The following TBX2 variants were observed in gnomAD, a reference collection of about 807,000 sequenced individuals.
The protein encoded by TBX2 is T-box transcription factor 2.
A neutral mutation model predicts 48.4 loss-of-function variants in TBX2; 19 were observed. The observed-to-expected ratio is 0.39, with a 90% confidence interval of 0.27 to 0.58. The LOEUF (loss-of-function observed/expected upper bound fraction) is 0.58, where lower values mean the gene tolerates loss of function less well. Among genes scored for constraint, TBX2 ranks in the 20% least tolerant of loss-of-function variants. TBX2 has a pLI of 0.54. For missense variants in TBX2, 994 were observed against 1,006.5 expected (o/e 0.99, Z 0.17); for synonymous variants, 522 against 459.7 (o/e 1.14, Z -1.73).
rs528908794 is a variant in TBX2 at position 61,408,887 on chromosome 17, T to C, written c.*381T>C. 1.1e-5 allele frequency: 2 copies of C among 188,312 alleles called. No homozygotes were observed. The highest frequency in any genetic ancestry group is 3.8e-4 in the South Asian group (2 of 5,260). The allele number at this position is 188,312 out of a possible 1,614,324, so 11.7% of individuals were successfully genotyped here. On this transcript the variant is annotated 3_prime_UTR_variant, in exon 7 of 7. Coordinates refer to ENST00000240328, the MANE Select transcript of TBX2 (RefSeq NM_005994.4). ...AGCATCGGAGGGAGTCCCAGAGCCCTGGACCTTGGGCCTAGACCGCGTGAT... is the reference window on the plus strand; with the variant it reads ...AGCATCGGAGGGAGTCCCAGAGCCCCGGACCTTGGGCCTAGACCGCGTGAT...
rs2060295932 is a variant in TBX2 at position 61,408,096 on chromosome 17, T to C, written c.1729T>C (p.Tyr577His). Residue 577 changes from tyrosine to histidine, a missense_variant, in exon 7 of 7, where the codon TAC (tyrosine) becomes CAC (histidine). Physicochemically the swap from Tyr to His is moderately conservative, Grantham distance 83 (BLOSUM62 2). Transcript: ENST00000240328. ...TTTCGGAGGCCTCTTCCCCTACCCC[T>C]ACACCTACATGGCAGCAGCAGCCGC... The part of the protein sequence containing the change: ...PTFGGLFPYP[Y>H]TYMAAAAAAA... 6.2e-7 allele frequency: 1 copy of C among 1,609,862 alleles called. No homozygotes were observed. Among genetic ancestry groups the C allele is most frequent in the Non-Finnish European group, 8.5e-7 (1 of 1,178,406 alleles).
Position 61,403,298 on chromosome 17 carries a change from C to A in TBX2, c.810+91C>A. 6.5e-7 allele frequency: 1 copy of A among 1,543,548 alleles called. No homozygotes were observed. Among genetic ancestry groups the A allele is most frequent in the Non-Finnish European group, 8.7e-7 (1 of 1,153,012 alleles). ...GTCCGTTCATCGCCCCTCGAAGCCC[C>A]CTGCACGGGATCCGCGCTCTTGCGG... On this transcript the variant is annotated intron_variant, in intron 3 of 6. Transcript: ENST00000240328. The surrounding 1 kb of genome is among the most constrained non-coding windows in gnomAD (Gnocchi z 5.8).
chr17:61,405,892 C>T (rs1603241716), intron 6 of TBX2, 56 bp downstream of exon 6: 15 of 1,262,904 alleles, frequency 1.2e-5, no homozygotes, highest in Non-Finnish European at 1.4e-5. Flanking sequence ...AGGGAGCTGG[C>T]GGCGAGGCCA....
Position 61,400,482 on chromosome 17 carries a change from G to A in TBX2, c.306G>A (p.Glu102=), listed in dbSNP as rs1303802329. Residue 102 remains glutamate (E), a synonymous_variant, in exon 1 of 7, where the codon GAG becomes GAA. Transcript: ENST00000240328. This position sits in a 1 kb window ranked among gnomAD's most constrained non-coding sequence, Gnocchi z 9.2. ...LKSLEPEDEV[E]DDPKVTLEAK... is the part of the protein sequence containing the mutation. ...GCCTGGAGCCCGAGGACGAGGTGGAGGACGACCCCAAGGTGACGCTGGAGG... is the reference window on the plus strand; with the variant it reads ...GCCTGGAGCCCGAGGACGAGGTGGAAGACGACCCCAAGGTGACGCTGGAGG... 1.2e-6 allele frequency: 2 copies of A among 1,602,070 alleles called. No individual in the cohort carries two copies. The highest frequency in any genetic ancestry group is 1.7e-6 in the Non-Finnish European group (2 of 1,175,482).
At position 61,404,760 on chromosome 17, in the gene TBX2, C is replaced by G. The variant is rs934306736; in HGVS notation, c.1042C>G (p.Arg348Gly). The G allele has an allele frequency of 1.3e-6, 2 of 1,547,054 alleles. No individual in the cohort carries two copies. The highest frequency in any genetic ancestry group is 2.7e-5 in the African/African-American group (2 of 73,218). Residue 348 changes from arginine (R) to glycine (G), a missense_variant, in exon 5 of 7, where the codon CGG becomes GGG. Arg to Gly is a moderately radical substitution (Grantham distance 125). Around this residue, in one of 5 missense-constraint regions of TBX2, gnomAD observed 639 missense variants for 613.2 expected, o/e 1.04. Transcript: ENST00000240328. ...AGCGCCCAGTCCGCTGCGCCTGCAC[C>G]GGGCCCGAGGTGAGGGTCGGACCGG... Reference protein sequence around the residue: ...GAAPSPLRLHRARAEEKSCAA... With the variant: ...GAAPSPLRLHGARAEEKSCAA...
At chr17:61,408,003 G>C in intron 6 of TBX2, 51 bp from the exon 7 acceptor site, 1 of 1,512,708 alleles carries the variant, frequency 6.6e-7, no homozygotes, top group East Asian at 2.3e-5. Context: ...CCCAACTTCA[G>C]AAAGACTTCA....
rs1333771240 is a variant in TBX2, at chr17:61,405,422, G to A, written c.1272G>A (p.Lys424=). 3 of 1,552,598 alleles carry A rather than the reference G, an allele frequency of 1.9e-6. No individual in the cohort carries two copies. The South Asian group carries it at 3.5e-5, about 18-fold the overall frequency. Residue 424 remains lysine, a synonymous_variant, in exon 6 of 7, where the codon AAG becomes AAA. Transcript: ENST00000240328. ...DGPFGLRSLE[K]ERAEARRKDE... The stretch of plus-strand genomic sequence containing the variant: ...CGTTCGGCCTGAGGAGCCTGGAGAA[G>A]GAGCGCGCCGAAGCTCGGAGGAAGG...
chr17:61,405,760 T>G lies in TBX2; in HGVS notation c.1610T>G (p.Leu537Arg). The G allele has an allele frequency of 7.5e-7, 1 of 1,337,716 alleles. No homozygotes were observed. Among genetic ancestry groups the G allele is most frequent in the Non-Finnish European group, 9.5e-7 (1 of 1,050,252 alleles). The allele number at this position is 1,337,716 out of a possible 1,614,324, so 82.9% of individuals were successfully genotyped here. A position where few individuals can be genotyped will look rare whatever the true frequency, so the allele number is the denominator to read the frequency against. Residue 537 changes from leucine to arginine, a missense_variant, in exon 6 of 7, where the codon CTG becomes CGG. By Grantham distance (102) the Leu-to-Arg change is moderately radical (BLOSUM62 -2). Coordinates refer to ENST00000240328, the MANE Select transcript of TBX2 (RefSeq NM_005994.4). ...GCCGCGGGGCTGGACGCAGGCGGGCTGGGTCCCGCGGCCAGCGCAGCAAGC... is the reference window on the plus strand; with the variant it reads ...GCCGCGGGGCTGGACGCAGGCGGGCGGGGTCCCGCGGCCAGCGCAGCAAGC... ...GTAAGLDAGG[L>R]GPAASAASTA...
chr17:61,408,098 C>T lies in TBX2; in HGVS notation c.1731C>T (p.Tyr577=), dbSNP rs963218600. The change falls in exon 7 of 7, where the codon TAC becomes TAT. Residue 577 remains tyrosine, a synonymous_variant. Transcript: ENST00000240328. ...TCGGAGGCCTCTTCCCCTACCCCTA[C>T]ACCTACATGGCAGCAGCAGCCGCAG... is the stretch of plus-strand genomic sequence containing the variant. The part of the protein sequence containing the change: ...PTFGGLFPYP[Y]TYMAAAAAAA... 3.1e-6 allele frequency: 5 copies of T among 1,610,000 alleles called. No homozygotes were observed. Among genetic ancestry groups the T allele is most frequent in the South Asian group, 1.1e-5 (1 of 90,572 alleles).
Position 61,404,768 on chromosome 17 carries a change from A to T in TBX2, c.1050A>T (p.Arg350=). Residue 350 remains arginine (R), a splice_region_variant and synonymous_variant, in exon 5 of 7, where the codon CGA becomes CGT. Transcript: ENST00000240328. ...GTCCGCTGCGCCTGCACCGGGCCCG[A>T]GGTGAGGGTCGGACCGGAGGAGGGA... ...APSPLRLHRA[R]AEEKSCAADS... is the part of the protein sequence containing the mutation. 1 of 1,545,278 alleles carries T rather than the reference A, an allele frequency of 6.5e-7. No homozygotes were observed. Among genetic ancestry groups the T allele is most frequent in the Non-Finnish European group, 8.7e-7 (1 of 1,149,000 alleles).
rs374734063 is a variant in TBX2 at position 61,400,711 on chromosome 17, C to G, written c.395+140C>G. On this transcript the variant is annotated intron_variant, in intron 1 of 6. Coordinates refer to ENST00000240328, the MANE Select transcript of TBX2 (RefSeq NM_005994.4). This position sits in a 1 kb window ranked among gnomAD's most constrained non-coding sequence, Gnocchi z 9.2. ...TCTGGCCCTGACGCCACGCTTCGCT[C>G]CCACGGACAACCAAGTTGACTTTTC... The G allele has an allele frequency of 5.7e-6, 5 of 880,810 alleles. No individual in the cohort carries two copies. The highest frequency in any genetic ancestry group is 3.0e-5 in the East Asian group (1 of 33,516). The allele number at this position is 880,810 out of a possible 1,614,324, so 54.6% of individuals were successfully genotyped here.
rs865851098 is a variant in TBX2 at position 61,408,557 on chromosome 17, C to T, written c.*51C>T. 1.4e-4 allele frequency: 193 copies of T among 1,411,688 alleles called. No individual in the cohort carries two copies. In the Middle Eastern group the frequency reaches 2.1e-3, roughly 15 times the overall value. 87.4% of individuals were successfully genotyped at this position (1,411,688 alleles called of 1,614,324 possible). ...ACGCAGGCCACCCGGGCTGCCTGCC[C>T]CTGCTGCTTGGGACGTGTACAGCAC... On this transcript the variant is annotated 3_prime_UTR_variant, in exon 7 of 7. Coordinates refer to ENST00000240328, the MANE Select transcript of TBX2 (RefSeq NM_005994.4).
intron 2 of TBX2, among the ~76,000 whole-genome samples, 156 bp downstream of exon 2, chr17:61,402,107 C>G (rs1462958135): frequency 6.6e-6 from 1 of 152,162 alleles, no homozygotes; most frequent in Non-Finnish European, 1.5e-5. Context: ...TCTACGTGGG[C>G]TGGGCCTGGG....
chr17:61,400,161 T>G lies in TBX2; in HGVS notation c.-16T>G, dbSNP rs1185263805. On this transcript the variant is annotated 5_prime_UTR_variant, in exon 1 of 7. Coordinates refer to ENST00000240328, the MANE Select transcript of TBX2 (RefSeq NM_005994.4). This position sits in a 1 kb window ranked among gnomAD's most constrained non-coding sequence, Gnocchi z 9.2. The stretch of plus-strand genomic sequence containing the variant: ...GCCCCGGCCCCGGCCCCCGGGCGCC[T>G]GGGCCGGATGTCCCGATGAGAGAGC... 4.8e-6 allele frequency: 5 copies of G among 1,031,732 alleles called. No homozygotes were observed. The highest frequency in any genetic ancestry group is 5.8e-6 in the Non-Finnish European group (5 of 856,568). The allele number at this position is 1,031,732 out of a possible 1,614,324, so 63.9% of individuals were successfully genotyped here.
rs2060260718 is a variant in TBX2, at chr17:61,400,721, A to T, written c.395+150A>T. On this transcript the variant is annotated intron_variant, in intron 1 of 6. Coordinates refer to ENST00000240328, the MANE Select transcript of TBX2 (RefSeq NM_005994.4). This position sits in a 1 kb window ranked among gnomAD's most constrained non-coding sequence, Gnocchi z 9.2. ...ACGCCACGCTTCGCTCCCACGGACA[A>T]CCAAGTTGACTTTTCTCGTTTGGCA... 4 of 822,602 alleles carry T rather than the reference A, an allele frequency of 4.9e-6. No individual in the cohort carries two copies. The highest frequency in any genetic ancestry group is 5.5e-6 in the Non-Finnish European group (3 of 547,214). The allele number at this position is 822,602 out of a possible 1,614,324, so 51.0% of individuals were successfully genotyped here.
chr17:61,405,604 C>T lies in TBX2; in HGVS notation c.1454C>T (p.Ala485Val). 1 of 1,593,060 alleles carries T rather than the reference C, an allele frequency of 6.3e-7. No individual in the cohort carries two copies. Among genetic ancestry groups the T allele is most frequent in the Non-Finnish European group, 8.5e-7 (1 of 1,174,240 alleles). ...HGQQFFGPLG[A>V]GQPLFLHPGQ... ...CAGCAGTTCTTTGGGCCGCTGGGAG[C>T]CGGCCAGCCGCTCTTCCTGCACCCT... The change falls in exon 6 of 7, where the codon GCC becomes GTC. Residue 485 changes from alanine (A) to valine (V), a missense_variant. Coordinates refer to ENST00000240328, the MANE Select transcript of TBX2 (RefSeq NM_005994.4).
chr17:61,401,657 G>A, intron 1 of TBX2, 27 bp from the exon 2 acceptor site: 1 of 1,598,442 alleles, frequency 6.3e-7, no homozygotes. Context: ...GGTTCCAATG[G>A]GATCTCCTCC....
Position 61,405,215 on chromosome 17 carries a change from G to A in TBX2, c.1065G>A (p.Ser355=), listed in dbSNP as rs2060283050. Residue 355 remains serine, a synonymous_variant, in exon 6 of 7, where the codon TCG becomes TCA. Coordinates refer to ENST00000240328, the MANE Select transcript of TBX2 (RefSeq NM_005994.4). ...RLHRARAEEK[S]CAADSDPEPE... ...CTCTCCCCGCAGCTGAGGAGAAGTC[G>A]TGCGCCGCGGACAGCGACCCGGAGC... 1.3e-6 allele frequency: 2 copies of A among 1,545,004 alleles called. No individual in the cohort carries two copies. Among genetic ancestry groups the A allele is most frequent in the East Asian group, 2.3e-5 (1 of 42,882 alleles).
intron 2 of TBX2, among the ~76,000 whole-genome samples, chr17:61,402,439 A>G (rs557068714): frequency 2.1e-5 from 2 of 96,396 alleles, no homozygotes; most frequent in South Asian, 7.3e-4. Flanking sequence ...CCTCCCTAAG[A>G]CCTTTCCCTC....
Sources: allele counts gnomAD v4.1 joint callset (sites outside exome capture counted in the v4.1 genomes callset), GRCh38; gene constraint gnomAD v4.1.1; regional missense constraint gnomAD v4.1.1; non-coding constraint Gnocchi (gnomAD v3.1); transcripts MANE v1.5; gene names NCBI Gene and HGNC (gene_info 2026-07-23, HGNC 2026-07-21).